The following HTR1E variants were observed in gnomAD, a reference collection of about 807,000 sequenced individuals.
The protein encoded by HTR1E is 5-HT-1E.
Under a neutral mutation model 3.4 loss-of-function variants are expected in HTR1E, and 3 were observed. The ratio of observed to expected loss-of-function variants is 0.89; its 90% CI spans 0.41 to 2.31. The LOEUF (loss-of-function observed/expected upper bound fraction) is 2.31. HTR1E is among the 30% of genes most tolerant of loss of function. The pLI is 0.05. For synonymous variants in HTR1E, 170 were observed against 182.8 expected (o/e 0.93, Z 0.56); for missense variants, 392 against 467.0 (o/e 0.84, Z 1.48).
At chr6:87,008,578 T>C (rs1232439976) in intron 1 of HTR1E, among the ~76,000 whole-genome samples, 1 of 152,178 alleles carries the variant, frequency 6.6e-6, no homozygotes, top group Admixed American at 6.5e-5. Flanking sequence ...GAGCATGCCA[T>C]GTACATCAAT....
At chr6:86,999,021 G>A (rs1297091200) in intron 1 of HTR1E, among the ~76,000 whole-genome samples, 1 of 152,136 alleles carries the variant, frequency 6.6e-6, no homozygotes, top group Non-Finnish European at 1.5e-5. Context: ...GTGCAGTAGC[G>A]TGATCTCAGC....
Position 87,015,153 on chromosome 6 carries a change from C to A in HTR1E, c.-182C>A, listed in dbSNP as rs769571271. Reference sequence around the variant, plus strand: ...CCAATAGCATAATATTTTCCAGGAACCTTCACTCAGAAGAAATGCTGTGGC... The same window carrying A: ...CCAATAGCATAATATTTTCCAGGAAACTTCACTCAGAAGAAATGCTGTGGC... On this transcript the variant is annotated 5_prime_UTR_variant, in exon 2 of 2. Transcript: ENST00000305344. The A allele has an allele frequency of 1.2e-4, 49 of 409,710 alleles. No homozygotes were observed. Among genetic ancestry groups the A allele is most frequent in the Middle Eastern group, 8.3e-4 (2 of 2,418 alleles). 25.4% of individuals were successfully genotyped at this position (409,710 alleles called of 1,614,324 possible).
intron 1 of HTR1E, among the ~76,000 whole-genome samples, chr6:86,994,489 C>T (rs984547416): frequency 6.6e-6 from 1 of 151,982 alleles, no homozygotes; most frequent in South Asian, 2.1e-4. Flanking sequence ...TTCAAGTGCT[C>T]ACAGAAAAGA....
intron 1 of HTR1E, among the ~76,000 whole-genome samples, chr6:86,969,139 T>TC (rs1767514371): frequency 6.6e-6 from 1 of 152,078 alleles, no homozygotes; most frequent in African/African-American, 2.4e-5. Flanking sequence ...ACGCAGACAT[T>TC]CCCCTAGGTT....
Position 87,016,227 on chromosome 6 carries a change from G to T in HTR1E, c.893G>T (p.Gly298Val), listed in dbSNP as rs2127835067. Reference protein sequence around the residue: ...KAARILGLILGAFILSWLPFF... With the variant: ...KAARILGLILVAFILSWLPFF... Reference sequence around the variant, plus strand: ...GCACGCATCCTGGGGCTGATTCTGGGTGCATTCATTTTATCCTGGCTGCCA... The same window carrying T: ...GCACGCATCCTGGGGCTGATTCTGGTTGCATTCATTTTATCCTGGCTGCCA... Residue 298 changes from glycine to valine, a missense_variant, in exon 2 of 2, where the codon GGT becomes GTT. Physicochemically the swap from Gly to Val is moderately radical, Grantham distance 109. Transcript: ENST00000305344. 1 of 1,614,082 alleles carries T rather than the reference G, an allele frequency of 6.2e-7. No individual in the cohort carries two copies. The highest frequency in any genetic ancestry group is 8.5e-7 in the Non-Finnish European group (1 of 1,179,980).
intron 1 of HTR1E, among the ~76,000 whole-genome samples, chr6:86,992,981 T>C (rs1447004346): frequency 6.6e-6 from 1 of 152,120 alleles, no homozygotes; most frequent in Non-Finnish European, 1.5e-5. Flanking sequence ...GGACCCAAAA[T>C]ACTTTCATCC....
At chr6:86,947,108 C>T (rs1365356307) in intron 1 of HTR1E, among the ~76,000 whole-genome samples, 1 of 151,720 alleles carries the variant, frequency 6.6e-6, no homozygotes, top group South Asian at 2.1e-4. Context: ...AAGAGCGAAA[C>T]TCTGTCTCAA....
At chr6:86,944,407 C>T (rs1175598922) in intron 1 of HTR1E, among the ~76,000 whole-genome samples, 7 of 152,154 alleles carry the variant, frequency 4.6e-5, no homozygotes, top group African/African-American at 1.4e-4. Flanking sequence ...AGTATCACCT[C>T]GTGGTTTTAT....
chr6:86,985,639 C>A (rs1487287794), intron 1 of HTR1E, among the ~76,000 whole-genome samples: 1 of 152,094 alleles, frequency 6.6e-6, no homozygotes, highest in African/African-American at 2.4e-5. Context: ...TCAGGACAAC[C>A]ACTATGGCTG....
At position 87,015,291 on chromosome 6, in the gene HTR1E, A is replaced by C; in HGVS notation, c.-44A>C. ...CTACATAGTTTTCAGCCAAAGGAAA[A>C]TAACCAACAGCTTCTCCACAGTGTA... On this transcript the variant is annotated 5_prime_UTR_variant, in exon 2 of 2. Transcript: ENST00000305344. The C allele has an allele frequency of 2.7e-6, 4 of 1,463,018 alleles. No individual in the cohort carries two copies. The highest frequency in any genetic ancestry group is 3.6e-6 in the Non-Finnish European group (4 of 1,102,076). 90.6% of individuals were successfully genotyped at this position (1,463,018 alleles called of 1,614,324 possible).
intron 1 of HTR1E, among the ~76,000 whole-genome samples, chr6:86,979,169 A>T (rs2127824963): frequency 6.6e-6 from 1 of 152,208 alleles, no homozygotes; most frequent in South Asian, 2.1e-4. Flanking sequence ...TTTTATTTTG[A>T]TTTTTTTGCA....
chr6:86,986,894 C>T (rs1767796810), intron 1 of HTR1E, among the ~76,000 whole-genome samples: 1 of 151,964 alleles, frequency 6.6e-6, no homozygotes, highest in Admixed American at 6.6e-5. Flanking sequence ...AGAAACATAG[C>T]AAAGTCCCCT....
intron 1 of HTR1E, among the ~76,000 whole-genome samples, chr6:87,010,368 AC>A (rs1236761353): frequency 5.4e-5 from 5 of 92,154 alleles, no homozygotes; most frequent in South Asian, 8.6e-4. Flanking sequence ...CGGGGGGCTG[AC>A]CCCCCCATCT....
intron 1 of HTR1E, among the ~76,000 whole-genome samples, chr6:87,005,748 A>G (rs1262634410): frequency 6.6e-6 from 1 of 152,176 alleles, no homozygotes; most frequent in African/African-American, 2.4e-5. Context: ...ATCTTGTCAC[A>G]TTAAAAAGCT....
intron 1 of HTR1E, among the ~76,000 whole-genome samples, chr6:86,970,224 A>G (rs1434403523): frequency 6.6e-6 from 1 of 152,194 alleles, no homozygotes; most frequent in Admixed American, 6.5e-5. Flanking sequence ...TATACAGGGA[A>G]GAAAAAGGAA....
chr6:86,998,446 A>G (rs1051465284), intron 1 of HTR1E, among the ~76,000 whole-genome samples: 1 of 152,154 alleles, frequency 6.6e-6, no homozygotes, highest in African/African-American at 2.4e-5. Context: ...AATCTCTAAA[A>G]ATTTTAAGTT....
intron 1 of HTR1E, among the ~76,000 whole-genome samples, chr6:86,994,620 TAAAG>T (rs1265516274): frequency 6.6e-6 from 1 of 151,866 alleles, no homozygotes; most frequent in East Asian, 1.9e-4. Context: ...AAAGAATAGC[TAAAG>T]AAAGTTCTCT....
At chr6:87,011,898 A>G (rs894030749) in intron 1 of HTR1E, among the ~76,000 whole-genome samples, 3 of 152,240 alleles carry the variant, frequency 2.0e-5, no homozygotes, top group Non-Finnish European at 4.4e-5. Flanking sequence ...GAATTTCTCC[A>G]ATGGTCTACA....
chr6:86,944,326 A>ATT (rs1562057616), intron 1 of HTR1E, among the ~76,000 whole-genome samples: 1 of 152,236 alleles, frequency 6.6e-6, no homozygotes, highest in Non-Finnish European at 1.5e-5. Context: ...GAACCAAATC[A>ATT]TTGAGAGCCA....
Sources: gnomAD v4.1 joint callset for allele counts (sites outside exome capture counted in the v4.1 genomes callset) on GRCh38, gnomAD v4.1.1 for gene constraint, MANE v1.5 for transcripts, NCBI Gene and HGNC (gene_info 2026-07-23, HGNC 2026-07-21) for gene names.